Variants in STXBP5L observed in about 807,000 individuals in gnomAD.
The protein encoded by STXBP5L is syntaxin-binding protein 5-like.
Under a neutral mutation model 144.5 loss-of-function variants are expected in STXBP5L, and 65 were observed. That is an observed-to-expected ratio of 0.45 (90% CI 0.37 to 0.55). STXBP5L has a LOEUF of 0.55. STXBP5L is among the 20% of genes least tolerant of loss of function. STXBP5L has a pLI of 0.00. For missense variants in STXBP5L, 1,298 were observed against 1,405.5 expected (o/e 0.92, Z 1.22); for synonymous variants, 505 against 469.6 (o/e 1.08, Z -0.97).
chr3:121,053,328 C>G (rs537031390), intron 5 of STXBP5L, among the ~76,000 whole-genome samples: 2 of 152,288 alleles, frequency 1.3e-5, no homozygotes, highest in Non-Finnish European at 2.9e-5. Flanking sequence ...ATCACACTCC[C>G]TGATTTCAAA....
intron 3 of STXBP5L, among the ~76,000 whole-genome samples, chr3:121,036,772 A>ATTTTTTT (rs3863971): frequency 5.2e-4 from 63 of 122,138 alleles, no homozygotes; most frequent in Non-Finnish European, 7.7e-4. Context: ...ACATTGATTG[A>ATTTTTTT]TTTTTTTTTT....
chr3:121,023,817 G>T (rs1238351459), intron 3 of STXBP5L, among the ~76,000 whole-genome samples: 5 of 152,080 alleles, frequency 3.3e-5, no homozygotes, highest in African/African-American at 1.2e-4. Flanking sequence ...GTGCAGTGGT[G>T]CAATCTTGGC....
chr3:121,208,683 T>C (rs1458664283), intron 10 of STXBP5L, among the ~76,000 whole-genome samples: 1 of 152,190 alleles, frequency 6.6e-6, no homozygotes, highest in Non-Finnish European at 1.5e-5. Flanking sequence ...TATGTGGTAT[T>C]GCACTTCAAG....
intron 22 of STXBP5L, among the ~76,000 whole-genome samples, chr3:121,398,489 C>T (rs996851765): frequency 6.6e-6 from 1 of 152,238 alleles, no homozygotes; most frequent in African/African-American, 2.4e-5. Context: ...AATCGGGTTC[C>T]CATCTTTATC....
chr3:121,253,817 T>C (rs866376538), intron 15 of STXBP5L, among the ~76,000 whole-genome samples: 2,267 of 144,822 alleles, frequency 0.016, 67 homozygotes, highest in African/African-American at 0.053. Flanking sequence ...TTTCTTTTTT[T>C]TTTTTTTTTG....
chr3:121,078,152 G>A (rs1329282092), intron 5 of STXBP5L, among the ~76,000 whole-genome samples: 4 of 150,398 alleles, frequency 2.7e-5, no homozygotes, highest in South Asian at 2.1e-4. Context: ...GCATCAATTG[G>A]TGCATTCACA....
chr3:121,346,365 G>T (rs1227648752), intron 20 of STXBP5L, among the ~76,000 whole-genome samples: 1 of 151,976 alleles, frequency 6.6e-6, no homozygotes, highest in Non-Finnish European at 1.5e-5. Context: ...TGGGCATTGG[G>T]GTTGGTTCCA....
Position 121,057,009 on chromosome 3 carries a change from A to G in STXBP5L, c.470+11474A>G, listed in dbSNP as rs557512982. Among the ~76,000 whole-genome samples the G allele has an allele frequency of 4.0e-5, 6 of 150,930 alleles. No homozygotes were observed. In the South Asian group the frequency reaches 8.3e-4, roughly 21 times the overall value. On this transcript the variant is annotated intron_variant, in intron 5 of 26. Transcript: ENST00000471454. ...TATATATTTATATATATTTTATTAC[A>G]CACAATATATTGTTAAACAAATTAG...
chr3:120,997,333 T>C (rs529224807), intron 3 of STXBP5L, among the ~76,000 whole-genome samples: 1 of 152,356 alleles, frequency 6.6e-6, no homozygotes, highest in Non-Finnish European at 1.5e-5. Context: ...AGTTGAATGA[T>C]AGTTCTGTTT....
intron 5 of STXBP5L, among the ~76,000 whole-genome samples, chr3:121,052,225 A>G (rs752653731): frequency 6.6e-6 from 1 of 152,200 alleles, no homozygotes; most frequent in Non-Finnish European, 1.5e-5. Flanking sequence ...TCCCTAACTC[A>G]TTTTATGAGG....
At chr3:120,967,207 G>A (rs561617720) in intron 3 of STXBP5L, among the ~76,000 whole-genome samples, 16 of 152,064 alleles carry the variant, frequency 1.1e-4, no homozygotes, top group Non-Finnish European at 1.8e-4. Context: ...GTCTGTCACC[G>A]CTTCCCTTGG....
chr3:121,080,729 T>C (rs910137153), intron 5 of STXBP5L, among the ~76,000 whole-genome samples: 1 of 152,258 alleles, frequency 6.6e-6, no homozygotes, highest in South Asian at 2.1e-4. Context: ...TAGGTTTTTC[T>C]TTATAGGTTA....
intron 3 of STXBP5L, among the ~76,000 whole-genome samples, chr3:121,022,633 A>G (rs1576687083): frequency 6.6e-6 from 1 of 152,310 alleles, no homozygotes; most frequent in East Asian, 1.9e-4. Context: ...GTGATATACC[A>G]CATAAATAGG....
intron 3 of STXBP5L, among the ~76,000 whole-genome samples, chr3:121,025,628 GA>G (rs1169833729): frequency 6.6e-6 from 1 of 151,476 alleles, no homozygotes; most frequent in African/African-American, 2.4e-5. Flanking sequence ...GCAGGTATTT[GA>G]ATTTCCAAAA....
At position 121,041,763 on chromosome 3, in the gene STXBP5L, C is replaced by G. The variant is rs780080921; in HGVS notation, c.351C>G (p.Leu117=). ...AAAGTGGTGCAGCTGTCCTACAGCT[C>G]CAATTTTTGATCAATGAGGTAAGGA... ...QHESGAAVLQ[L]QFLINEGALV... is the part of the protein sequence containing the mutation. Residue 117 remains leucine (L), a synonymous_variant, in exon 4 of 27, where the codon CTC becomes CTG. Transcript: ENST00000471454. 1.7e-5 allele frequency: 28 copies of G among 1,611,990 alleles called. No individual in the cohort carries two copies. Among genetic ancestry groups the G allele is most frequent in the Non-Finnish European group, 2.3e-5 (27 of 1,178,740 alleles).
chr3:121,274,066 A>G (rs1021245772), intron 18 of STXBP5L, among the ~76,000 whole-genome samples: 1 of 152,164 alleles, frequency 6.6e-6, no homozygotes, highest in Non-Finnish European at 1.5e-5. Flanking sequence ...TAACTAATAG[A>G]TCTCCATTTT....
intron 3 of STXBP5L, among the ~76,000 whole-genome samples, chr3:120,976,441 C>G (rs561908077): frequency 1.3e-5 from 2 of 152,116 alleles, no homozygotes; most frequent in African/African-American, 2.4e-5. Flanking sequence ...CTCTTTTCTT[C>G]TTTAGTAGTC....
At chr3:121,008,380 C>T (rs1031411565) in intron 3 of STXBP5L, among the ~76,000 whole-genome samples, 1 of 151,908 alleles carries the variant, frequency 6.6e-6, no homozygotes, top group African/African-American at 2.4e-5. Context: ...CATTCCCTCC[C>T]CTGGAACTAA....
At chr3:120,953,700 A>G (rs1303406320) in intron 2 of STXBP5L, among the ~76,000 whole-genome samples, 2 of 152,154 alleles carry the variant, frequency 1.3e-5, no homozygotes, top group South Asian at 2.1e-4. Context: ...TATTAGTTCT[A>G]ATAATTTTTT....
Sources: allele counts gnomAD v4.1 joint callset (sites outside exome capture counted in the v4.1 genomes callset), GRCh38; gene constraint gnomAD v4.1.1; transcripts MANE v1.5; gene names NCBI Gene and HGNC (gene_info 2026-07-23, HGNC 2026-07-21).